Variants in ATXN1L observed in about 807,000 individuals in gnomAD.
The protein encoded by ATXN1L is ataxin 1 like, also known as ataxin-1-like.
ATXN1L carries 8 observed loss-of-function variants against 43.4 expected under a neutral mutation model. The observed-to-expected ratio is 0.18, with a 90% confidence interval of 0.11 to 0.33. The LOEUF (loss-of-function observed/expected upper bound fraction) is 0.33, where lower values mean the gene tolerates loss of function less well. Among genes scored for constraint, ATXN1L ranks in the 10% least tolerant of loss-of-function variants. The pLI is 1.00. For synonymous variants in ATXN1L, 379 were observed against 360.6 expected (o/e 1.05, Z -0.58); for missense variants, 856 against 885.4 (o/e 0.97, Z 0.42).
chr16:71,855,925 C>T lies in ATXN1L; in HGVS notation c.*4115C>T, dbSNP rs58955263. On this transcript the variant is annotated 3_prime_UTR_variant, in exon 3 of 3. Coordinates refer to ENST00000427980, the MANE Select transcript of ATXN1L (RefSeq NM_001137675.4). ...CCCTTTGCTGGGAAGCCTTCACTCTCCAGCTTTCCTGGGGTAGGGAAGGTC... is the reference window on the plus strand; with the variant it reads ...CCCTTTGCTGGGAAGCCTTCACTCTTCAGCTTTCCTGGGGTAGGGAAGGTC... 3 of 167,078 alleles carry T rather than the reference C, an allele frequency of 1.8e-5. No individual in the cohort carries two copies. 10.3% of individuals were successfully genotyped at this position (167,078 alleles called of 1,614,324 possible).
intron 1 of ATXN1L, among the ~76,000 whole-genome samples, chr16:71,846,371 G>A (rs1049523380): frequency 3.3e-5 from 5 of 152,246 alleles, no homozygotes; most frequent in African/African-American, 1.2e-4. Context: ...CCCAAACAAG[G>A]AAGCGTCGCC....
intron 1 of ATXN1L, among the ~76,000 whole-genome samples, chr16:71,847,353 A>G (rs2033453328): frequency 6.6e-6 from 1 of 151,956 alleles, no homozygotes; most frequent in Admixed American, 6.6e-5. Context: ...CCAAGGCAAT[A>G]TTTTCAGTTT....
chr16:71,850,726 G>A lies in ATXN1L; in HGVS notation c.986G>A (p.Gly329Glu), dbSNP rs187050076. The A allele has an allele frequency of 1.1e-5, 17 of 1,551,682 alleles. No homozygotes were observed. In the East Asian group the frequency reaches 2.2e-4, roughly 20 times the overall value. The part of the protein sequence containing the change: ...RVEVAAPAHR[G>E]TPDTDLEVQR... ...GAGGTAGCAGCACCAGCACACCGGG[G>A]GACCCCGGACACTGACCTTGAGGTC... Residue 329 changes from glycine (G) to glutamate (E), a missense_variant, in exon 3 of 3, where the codon GGG becomes GAG. Coordinates refer to ENST00000427980, the MANE Select transcript of ATXN1L (RefSeq NM_001137675.4).
rs780571858 is a variant in ATXN1L, at chr16:71,850,497, G to T, written c.757G>T (p.Val253Phe). Residue 253 changes from valine to phenylalanine, a missense_variant, in exon 3 of 3, where the codon GTT becomes TTT. Physicochemically the swap from Val to Phe is conservative, Grantham distance 50. This residue lies in a region of ATXN1L where 490 missense variants were observed against 449.4 expected (regional missense o/e 1.09). Transcript: ENST00000427980. Reference sequence around the variant, plus strand: ...AACCCCTCCAGCAGGTGCCAGCCCAGTTCTTACCCCTCAGGAGAGCCAGTC... The same window carrying T: ...AACCCCTCCAGCAGGTGCCAGCCCATTTCTTACCCCTCAGGAGAGCCAGTC... ...HETPPAGASP[V>F]LTPQESQSAL... 40 of 1,551,734 alleles carry T rather than the reference G, an allele frequency of 2.6e-5. No homozygotes were observed. The highest frequency in any genetic ancestry group is 3.5e-5 in the Non-Finnish European group (40 of 1,146,992).
intron 1 of ATXN1L, among the ~76,000 whole-genome samples, chr16:71,847,668 T>A (rs2033457332): frequency 6.6e-6 from 1 of 152,100 alleles, no homozygotes. Flanking sequence ...AAAGCTTCCA[T>A]TTTTATTTGT....
chr16:71,850,177 T>G lies in ATXN1L; in HGVS notation c.437T>G (p.Leu146Arg). The G allele has an allele frequency of 6.4e-7, 1 of 1,551,730 alleles. No individual in the cohort carries two copies. Among genetic ancestry groups the G allele is most frequent in the South Asian group, 1.2e-5 (1 of 84,064 alleles). ...CAGTTCATTGGGTCTCCTTATAGCCTTCCCTATGCTGTGCCACCTAATTTC... is the reference window on the plus strand; with the variant it reads ...CAGTTCATTGGGTCTCCTTATAGCCGTCCCTATGCTGTGCCACCTAATTTC... ...SLQFIGSPYS[L>R]PYAVPPNFLP... is the part of the protein sequence containing the mutation. Residue 146 changes from leucine to arginine, a missense_variant, in exon 3 of 3, where the codon CTT (leucine) becomes CGT (arginine). By Grantham distance (102) the Leu-to-Arg change is moderately radical. This residue lies in a region of ATXN1L where 490 missense variants were observed against 449.4 expected (regional missense o/e 1.09). Transcript: ENST00000427980.
chr16:71,852,163 G>C lies in ATXN1L; in HGVS notation c.*353G>C, dbSNP rs2033511021. The C allele has an allele frequency of 4.9e-6, 1 of 205,976 alleles. No homozygotes were observed. Among genetic ancestry groups the C allele is most frequent in the Admixed American group, 6.1e-5 (1 of 16,320 alleles). 12.8% of individuals were successfully genotyped at this position (205,976 alleles called of 1,614,324 possible). ...GTCCAGGCTTTGGGAGCAGATGGCAGAGGGAGGGAGTAAAGAAAGAGCCAA... is the reference window on the plus strand; with the variant it reads ...GTCCAGGCTTTGGGAGCAGATGGCACAGGGAGGGAGTAAAGAAAGAGCCAA... On this transcript the variant is annotated 3_prime_UTR_variant, in exon 3 of 3. Coordinates refer to ENST00000427980, the MANE Select transcript of ATXN1L (RefSeq NM_001137675.4).
rs1028568418 is a variant in ATXN1L, at chr16:71,851,864, C to T, written c.*54C>T. 4.8e-5 allele frequency: 66 copies of T among 1,376,540 alleles called. No homozygotes were observed. The highest frequency in any genetic ancestry group is 5.7e-5 in the Non-Finnish European group (60 of 1,058,316). 85.3% of individuals were successfully genotyped at this position (1,376,540 alleles called of 1,614,324 possible). ...TTACCCCAGAGCCTCGCCTCGCCGCCGTGAGCAGGCAGAGGATTTGCACAC... is the reference window on the plus strand; with the variant it reads ...TTACCCCAGAGCCTCGCCTCGCCGCTGTGAGCAGGCAGAGGATTTGCACAC... On this transcript the variant is annotated 3_prime_UTR_variant, in exon 3 of 3. Transcript: ENST00000427980. The surrounding 1 kb of genome is among the most constrained non-coding windows in gnomAD (Gnocchi z 4.9).
In ATXN1L at chr16:71,850,063, C is replaced by T; in HGVS notation, c.323C>T (p.Pro108Leu). 1 of 1,551,722 alleles carries T rather than the reference C, an allele frequency of 6.4e-7. No homozygotes were observed. The highest frequency in any genetic ancestry group is 8.7e-7 in the Non-Finnish European group (1 of 1,146,996). ...PSVVNMSPLP[P>L]TFNVASSLIQ... ...GTGGTGAATATGAGTCCCTTGCCCC[C>T]AACGTTTAATGTAGCGTCTTCACTA... The change falls in exon 3 of 3, where the codon CCA becomes CTA. Residue 108 changes from proline (P) to leucine (L), a missense_variant. Pro to Leu is a moderately conservative substitution (Grantham distance 98). Coordinates refer to ENST00000427980, the MANE Select transcript of ATXN1L (RefSeq NM_001137675.4).
Position 71,855,169 on chromosome 16 carries a change from G to A in ATXN1L, c.*3359G>A, listed in dbSNP as rs1442839982. On this transcript the variant is annotated 3_prime_UTR_variant, in exon 3 of 3. Coordinates refer to ENST00000427980, the MANE Select transcript of ATXN1L (RefSeq NM_001137675.4). Reference sequence around the variant, plus strand: ...TTCATTCTTACCTGTGTTAGGCCATGTTATTTTATAGCGAAGTCATGTTCG... The same window carrying A: ...TTCATTCTTACCTGTGTTAGGCCATATTATTTTATAGCGAAGTCATGTTCG... 5 of 167,188 alleles carry A rather than the reference G, an allele frequency of 3.0e-5. No individual in the cohort carries two copies. Among genetic ancestry groups the A allele is most frequent in the Non-Finnish European group, 7.3e-5 (5 of 68,172 alleles). 10.4% of individuals were successfully genotyped at this position (167,188 alleles called of 1,614,324 possible).
rs2033483385 is a variant in ATXN1L at position 71,850,188 on chromosome 16, G to C, written c.448G>C (p.Val150Leu). 1 of 1,551,528 alleles carries C rather than the reference G, an allele frequency of 6.4e-7. No individual in the cohort carries two copies. Among genetic ancestry groups the C allele is most frequent in the Admixed American group, 2.0e-5 (1 of 50,984 alleles). ...IGSPYSLPYA[V>L]PPNFLPSPLL... is the part of the protein sequence containing the mutation. ...GTCTCCTTATAGCCTTCCCTATGCTGTGCCACCTAATTTCCTACCGAGTCC... is the reference window on the plus strand; with the variant it reads ...GTCTCCTTATAGCCTTCCCTATGCTCTGCCACCTAATTTCCTACCGAGTCC... Residue 150 changes from valine to leucine, a missense_variant, in exon 3 of 3, where the codon GTG (valine) becomes CTG (leucine). Around this residue, in one of 7 missense-constraint regions of ATXN1L, gnomAD observed 490 missense variants for 449.4 expected, o/e 1.09. Transcript: ENST00000427980.
intron 2 of ATXN1L, among the ~76,000 whole-genome samples, chr16:71,849,242 A>AAAT (rs2033473968): frequency 6.8e-6 from 1 of 147,198 alleles, no homozygotes; most frequent in African/African-American, 2.5e-5. Context: ...AAAAAAAAAA[A>AAAT]GCAAAAGAGC....
In ATXN1L at chr16:71,851,122, C is replaced by T. The variant is rs2033497741; in HGVS notation, c.1382C>T (p.Thr461Ile). The T allele has an allele frequency of 3.9e-6, 6 of 1,551,580 alleles. No individual in the cohort carries two copies. ...AAGGAGCCAACGCCGCCCCCCATTA[C>T]CTCCTCTCACTTGCCTTCCCATTTC... ...PDKEPTPPPITSSHLPSHFMK... is the reference protein window; with the variant it reads ...PDKEPTPPPIISSHLPSHFMK... Residue 461 changes from threonine (T) to isoleucine (I), a missense_variant, in exon 3 of 3, where the codon ACC (threonine) becomes ATC (isoleucine). Physicochemically the swap from Thr to Ile is moderately conservative, Grantham distance 89. Coordinates refer to ENST00000427980, the MANE Select transcript of ATXN1L (RefSeq NM_001137675.4). This position sits in a 1 kb window ranked among gnomAD's most constrained non-coding sequence, Gnocchi z 4.9.
intron 2 of ATXN1L, among the ~76,000 whole-genome samples, chr16:71,848,647 T>A (rs1258882662): frequency 6.6e-6 from 1 of 151,344 alleles, no homozygotes; most frequent in Non-Finnish European, 1.5e-5. Flanking sequence ...ATTTCATGGG[T>A]CAAAGATGTT....
intron 1 of ATXN1L, 70 bp from the exon 2 acceptor site, chr16:71,847,940 T>G: frequency 2.3e-6 from 1 of 444,140 alleles, no homozygotes; most frequent in South Asian, 1.6e-5. Flanking sequence ...TGGAATTACC[T>G]TTCATGGTGA....
rs2033477177 is a variant in ATXN1L at position 71,849,620 on chromosome 16, A to C, written c.-117-4A>C. 1 of 1,127,754 alleles carries C rather than the reference A, an allele frequency of 8.9e-7. No homozygotes were observed. The highest frequency in any genetic ancestry group is 2.0e-5 in the South Asian group (1 of 50,666). 69.9% of individuals were successfully genotyped at this position (1,127,754 alleles called of 1,614,324 possible). A position where few individuals can be genotyped will look rare whatever the true frequency, so the allele number is the denominator to read the frequency against. Reference sequence around the variant, plus strand: ...TTCTTTGCCTCTGATTTGTTCCCTAATAGATGTGGGCGCCCCAGCCAGAAG... The same window carrying C: ...TTCTTTGCCTCTGATTTGTTCCCTACTAGATGTGGGCGCCCCAGCCAGAAG... On this transcript the variant is annotated splice_region_variant and splice_polypyrimidine_tract_variant and intron_variant, in intron 2 of 2. Coordinates refer to ENST00000427980, the MANE Select transcript of ATXN1L (RefSeq NM_001137675.4).
At position 71,851,985 on chromosome 16, in the gene ATXN1L, A is replaced by G. The variant is rs989664377; in HGVS notation, c.*175A>G. The stretch of plus-strand genomic sequence containing the variant: ...GGCAGGATCTGTTGTTCATTACCCC[A>G]TGGCATCCTTTCAGGACAACCCCAG... On this transcript the variant is annotated 3_prime_UTR_variant, in exon 3 of 3. Coordinates refer to ENST00000427980, the MANE Select transcript of ATXN1L (RefSeq NM_001137675.4). This position sits in a 1 kb window ranked among gnomAD's most constrained non-coding sequence, Gnocchi z 4.9. 1.1e-4 allele frequency: 79 copies of G among 690,818 alleles called. 1 individual carries two copies. The Admixed American group carries it at 2.8e-3, about 25-fold the overall frequency. The allele number at this position is 690,818 out of a possible 1,614,324, so 42.8% of individuals were successfully genotyped here. A position where few individuals can be genotyped will look rare whatever the true frequency, so the allele number is the denominator to read the frequency against.
chr16:71,846,996 G>T (rs2033449832), intron 1 of ATXN1L, among the ~76,000 whole-genome samples: 1 of 152,188 alleles, frequency 6.6e-6, no homozygotes, highest in Non-Finnish European at 1.5e-5. Flanking sequence ...AAAGCTGCTG[G>T]TGGAGAAAAG....
In ATXN1L at chr16:71,852,167, G is replaced by C. The variant is rs2033511060; in HGVS notation, c.*357G>C. ...AGGCTTTGGGAGCAGATGGCAGAGG[G>C]AGGGAGTAAAGAAAGAGCCAAAAAT... On this transcript the variant is annotated 3_prime_UTR_variant, in exon 3 of 3. Transcript: ENST00000427980. The C allele has an allele frequency of 4.9e-6, 1 of 202,944 alleles. No homozygotes were observed. The highest frequency in any genetic ancestry group is 2.0e-4 in the South Asian group (1 of 5,122). 12.6% of individuals were successfully genotyped at this position (202,944 alleles called of 1,614,324 possible).
Sources: gnomAD v4.1 joint callset for allele counts (sites outside exome capture counted in the v4.1 genomes callset) on GRCh38, gnomAD v4.1.1 for gene constraint, gnomAD v4.1.1 regional missense constraint, Gnocchi (gnomAD v3.1) non-coding constraint, MANE v1.5 for transcripts, NCBI Gene and HGNC (gene_info 2026-07-23, HGNC 2026-07-21) for gene names.